The following RASGEF1A variants were observed in gnomAD, a reference collection of about 807,000 sequenced individuals.
RASGEF1A encodes the protein RasGEF domain family member 1A.
Under a neutral mutation model 56.4 loss-of-function variants are expected in RASGEF1A, and 18 were observed. The ratio of observed to expected loss-of-function variants is 0.32; its 90% confidence interval spans 0.22 to 0.47. The LOEUF (loss-of-function observed/expected upper bound fraction) is 0.47, where lower values mean the gene tolerates loss of function less well. Ranked by LOEUF, RASGEF1A falls within the 20% of genes least tolerant of loss-of-function variation. RASGEF1A has a pLI of 1.00. For missense variants in RASGEF1A, 422 were observed against 627.1 expected (o/e 0.67, Z 3.49); for synonymous variants, 245 against 242.6 (o/e 1.01, Z -0.09).
chr10:43,235,520 C>A (rs1314966908), intron 1 of RASGEF1A, among the ~76,000 whole-genome samples: 2 of 152,214 alleles, frequency 1.3e-5, no homozygotes, highest in African/African-American at 2.4e-5. Flanking sequence ...GGCTGGGAGG[C>A]TTCCTCCAGA....
chr10:43,206,809 G>A, intron 1 of RASGEF1A: 1 of 986,124 alleles, frequency 1.0e-6, no homozygotes, highest in Non-Finnish European at 1.2e-6. Flanking sequence ...TGGCTGACCA[G>A]TATGAGGCAG....
At chr10:43,248,340 A>T (rs1840589683) in intron 1 of RASGEF1A, among the ~76,000 whole-genome samples, 1 of 148,272 alleles carries the variant, frequency 6.7e-6, no homozygotes, top group Non-Finnish European at 1.5e-5. Context: ...TGGGCAACAG[A>T]ATGAGACTAT....
chr10:43,204,516 G>T (rs1027303598), intron 2 of RASGEF1A, among the ~76,000 whole-genome samples: 1 of 152,218 alleles, frequency 6.6e-6, no homozygotes, highest in Non-Finnish European at 1.5e-5. Flanking sequence ...CAACTAAGAC[G>T]TGGAGGAAAG....
intron 1 of RASGEF1A, among the ~76,000 whole-genome samples, chr10:43,261,741 G>A (rs1004861260): frequency 3.4e-4 from 52 of 152,238 alleles, no homozygotes; most frequent in Non-Finnish European, 4.4e-4. Context: ...CAGCAAAGCC[G>A]GGGCTGCCCA....
At chr10:43,220,495 C>A (rs191902834) in intron 1 of RASGEF1A, among the ~76,000 whole-genome samples, 10 of 152,182 alleles carry the variant, frequency 6.6e-5, no homozygotes, top group African/African-American at 2.4e-4. Flanking sequence ...AGAGCAAGAC[C>A]CTATCTCACC....
At chr10:43,237,508 GTCC>G (rs1840446194) in intron 1 of RASGEF1A, among the ~76,000 whole-genome samples, 1 of 141,558 alleles carries the variant, frequency 7.1e-6, no homozygotes, top group African/African-American at 2.6e-5. Context: ...CACAGACACA[GTCC>G]TCCTGACCCC....
chr10:43,252,799 C>T (rs981572736), intron 1 of RASGEF1A, among the ~76,000 whole-genome samples: 1 of 152,134 alleles, frequency 6.6e-6, no homozygotes, highest in Non-Finnish European at 1.5e-5. Flanking sequence ...GCTGCACACC[C>T]AGTGACTGGC....
At chr10:43,242,167 T>A (rs1168250420) in intron 1 of RASGEF1A, among the ~76,000 whole-genome samples, 3 of 151,324 alleles carry the variant, frequency 2.0e-5, no homozygotes, top group African/African-American at 7.3e-5. Context: ...AAAGTGAAAA[T>A]ATGAAAAAAG....
chr10:43,255,004 G>A (rs12356643), intron 1 of RASGEF1A, among the ~76,000 whole-genome samples: 27,440 of 152,080 alleles, frequency 0.18, 2,967 homozygotes, highest in East Asian at 0.51. Flanking sequence ...CCTGGGCAGA[G>A]GCTCCCCATT....
intron 1 of RASGEF1A, among the ~76,000 whole-genome samples, chr10:43,231,325 C>T (rs1840364259): frequency 6.6e-6 from 1 of 152,216 alleles, no homozygotes; most frequent in Non-Finnish European, 1.5e-5. Flanking sequence ...CTGGGGAAGC[C>T]TTCGAGGCAC....
intron 1 of RASGEF1A, among the ~76,000 whole-genome samples, chr10:43,232,306 A>C (rs1588944272): frequency 6.6e-6 from 1 of 150,882 alleles, no homozygotes; most frequent in Non-Finnish European, 1.5e-5. Flanking sequence ...AGTGTGGGGC[A>C]CCTCCCCCTT....
At chr10:43,231,665 T>TG (rs1363469456) in intron 1 of RASGEF1A, among the ~76,000 whole-genome samples, 3 of 152,270 alleles carry the variant, frequency 2.0e-5, no homozygotes, top group Non-Finnish European at 4.4e-5. Context: ...CTGACACAGA[T>TG]GGTGCTGTCT....
chr10:43,243,055 T>A (rs1840522086), intron 1 of RASGEF1A, among the ~76,000 whole-genome samples: 1 of 150,156 alleles, frequency 6.7e-6, no homozygotes, highest in African/African-American at 2.5e-5. Flanking sequence ...GAAGTGCCTC[T>A]GCCCGGCCGC....
intron 9 of RASGEF1A, 64 bp downstream of exon 9, chr10:43,198,869 C>T: frequency 6.8e-7 from 1 of 1,472,640 alleles, no homozygotes; most frequent in East Asian, 2.3e-5. Context: ...GTCAGGGCCC[C>T]CTTCGGGCCA....
chr10:43,201,579 C>T (rs533722249), intron 4 of RASGEF1A, among the ~76,000 whole-genome samples: 2 of 152,214 alleles, frequency 1.3e-5, no homozygotes, highest in Admixed American at 6.5e-5. Flanking sequence ...GGCCCGCAAC[C>T]GGGCTGCAAG....
chr10:43,252,117 A>G (rs1564543488), intron 1 of RASGEF1A, among the ~76,000 whole-genome samples: 1 of 152,222 alleles, frequency 6.6e-6, no homozygotes, highest in Non-Finnish European at 1.5e-5. Flanking sequence ...GACCAAGGAC[A>G]GTGCCTGGGG....
intron 1 of RASGEF1A, among the ~76,000 whole-genome samples, chr10:43,244,698 A>G (rs1294538624): frequency 6.6e-6 from 1 of 152,216 alleles, no homozygotes; most frequent in Non-Finnish European, 1.5e-5. Context: ...TTAAATAACC[A>G]ATGGAAAAAG....
At chr10:43,228,775 T>G (rs1840316829) in intron 1 of RASGEF1A, among the ~76,000 whole-genome samples, 1 of 152,254 alleles carries the variant, frequency 6.6e-6, no homozygotes, top group Non-Finnish European at 1.5e-5. Flanking sequence ...CTCTGCTGTG[T>G]GGGCACCGTG....
At chr10:43,202,413 G>T (rs961368104) in intron 3 of RASGEF1A, among the ~76,000 whole-genome samples, 2 of 152,120 alleles carry the variant, frequency 1.3e-5, no homozygotes, top group Non-Finnish European at 2.9e-5. Context: ...ACCCCACCCA[G>T]CACAGGGCCT....
Sources: gnomAD v4.1 joint callset for allele counts (sites outside exome capture counted in the v4.1 genomes callset) on GRCh38, gnomAD v4.1.1 for gene constraint, MANE v1.5 for transcripts, NCBI Gene and HGNC (gene_info 2026-07-23, HGNC 2026-07-21) for gene names.